The following DDX60 variants were observed in gnomAD, a reference collection of about 807,000 sequenced individuals.
DDX60 encodes the protein probable ATP-dependent RNA helicase DDX60.
DDX60 carries 165 observed loss-of-function variants against 212.8 expected under a neutral mutation model. The observed-to-expected ratio is 0.78, with a 90% confidence interval of 0.68 to 0.88. DDX60 has a LOEUF of 0.88. Ranked by LOEUF, DDX60 falls within the 40% of genes least tolerant of loss-of-function variation. The probability of loss-of-function intolerance (pLI) is 0.00; values close to 1 mark genes in which losing one functional copy is unlikely to be tolerated. For synonymous variants in DDX60, 703 were observed against 685.3 expected (o/e 1.03, Z -0.40); for missense variants, 1,905 against 2,003.9 (o/e 0.95, Z 0.94).
At chr4:168,267,076 T>G (rs2149515414) in intron 22 of DDX60, among the ~76,000 whole-genome samples, 1 of 152,284 alleles carries the variant, frequency 6.6e-6, no homozygotes, top group South Asian at 2.1e-4. Flanking sequence ...TAAGTAATCT[T>G]TCCCCACTCA....
intron 37 of DDX60, among the ~76,000 whole-genome samples, chr4:168,218,050 G>C (rs1732914321): frequency 6.6e-6 from 1 of 152,190 alleles, no homozygotes. Flanking sequence ...CAGCTGGACT[G>C]ATCAAGGGCT....
chr4:168,284,216 C>G (rs1032938079), intron 12 of DDX60, among the ~76,000 whole-genome samples: 1 of 152,218 alleles, frequency 6.6e-6, no homozygotes, highest in Non-Finnish European at 1.5e-5. Flanking sequence ...AGTATCCCCC[C>G]ACACCTTGGT....
At chr4:168,242,936 T>A (rs966476488) in intron 30 of DDX60, among the ~76,000 whole-genome samples, 1 of 152,150 alleles carries the variant, frequency 6.6e-6, no homozygotes, top group Non-Finnish European at 1.5e-5. Context: ...TGGTGTGAGG[T>A]AATTGAAACA....
chr4:168,232,606 G>A (rs1733493151), intron 33 of DDX60, among the ~76,000 whole-genome samples: 1 of 151,934 alleles, frequency 6.6e-6, no homozygotes, highest in Non-Finnish European at 1.5e-5. Flanking sequence ...ACATAAAATG[G>A]GGAAAGGACA....
At chr4:168,256,960 G>C (rs536005613) in intron 25 of DDX60, among the ~76,000 whole-genome samples, 8 of 152,364 alleles carry the variant, frequency 5.3e-5, no homozygotes, top group African/African-American at 1.9e-4. Flanking sequence ...TTTTAAAACT[G>C]AGAGTCTATG....
chr4:168,260,402 C>T (rs1734578201), intron 25 of DDX60, among the ~76,000 whole-genome samples: 1 of 152,078 alleles, frequency 6.6e-6, no homozygotes, highest in African/African-American at 2.4e-5. Flanking sequence ...ACCAATGGGT[C>T]CCAGAAATAG....
At chr4:168,260,575 G>T (rs1308775133) in intron 25 of DDX60, among the ~76,000 whole-genome samples, 1 of 152,108 alleles carries the variant, frequency 6.6e-6, no homozygotes, top group Non-Finnish European at 1.5e-5. Context: ...ATGGTTTCAG[G>T]ATGAAACTGC....
At chr4:168,275,249 C>T (rs1034925765) in intron 16 of DDX60, 96 bp downstream of exon 16, 14 of 1,106,044 alleles carry the variant, frequency 1.3e-5, no homozygotes, top group African/African-American at 8.0e-5. Context: ...ATGACATGAA[C>T]ATCAAATATA....
chr4:168,280,413 A>G lies in DDX60; in HGVS notation c.1900T>C (p.Cys634Arg), dbSNP rs1246529069. The G allele has an allele frequency of 5.6e-6, 9 of 1,614,094 alleles. No homozygotes were observed. Among genetic ancestry groups the G allele is most frequent in the Non-Finnish European group, 2.5e-6 (3 of 1,180,040 alleles). ...ACCATTTCAACCTGAAGTTTCACAC[A>G]GCTACTTTTACAGGATTTCAAAAAA... ...EDFLKSCKSS[C>R]VKLQVEMVGL... Residue 634 changes from cysteine (C) to arginine (R), a missense_variant, in exon 14 of 38, where the codon TGT becomes CGT. Transcript: ENST00000393743.
Position 168,284,800 on chromosome 4 carries a change from A to T in DDX60, c.1561+20T>A. 1 of 1,194,428 alleles carries T rather than the reference A, an allele frequency of 8.4e-7. No individual in the cohort carries two copies. Among genetic ancestry groups the T allele is most frequent in the Non-Finnish European group, 1.2e-6 (1 of 850,864 alleles). 74.0% of individuals were successfully genotyped at this position (1,194,428 alleles called of 1,614,324 possible). A position where few individuals can be genotyped will look rare whatever the true frequency, so the allele number is the denominator to read the frequency against. On this transcript the variant is annotated intron_variant, in intron 12 of 37. Transcript: ENST00000393743. Reference sequence around the variant, plus strand: ...AGTAAAGTAGATTTAAATTTATATCACTGGAGTCACAGAGCTTACCATCAA... The same window carrying T: ...AGTAAAGTAGATTTAAATTTATATCTCTGGAGTCACAGAGCTTACCATCAA...
intron 32 of DDX60, among the ~76,000 whole-genome samples, chr4:168,236,867 T>C (rs1045329592): frequency 1.4e-4 from 21 of 151,702 alleles, no homozygotes; most frequent in African/African-American, 5.1e-4. Context: ...TGGAAGAAAA[T>C]ATTCACAAAC....
At chr4:168,257,027 C>T (rs1356761048) in intron 25 of DDX60, among the ~76,000 whole-genome samples, 1 of 152,182 alleles carries the variant, frequency 6.6e-6, no homozygotes, top group Non-Finnish European at 1.5e-5. Flanking sequence ...TAGTAAAATT[C>T]AAGTTATACA....
At position 168,280,329 on chromosome 4, in the gene DDX60, A is replaced by G; in HGVS notation, c.1978+6T>C. On this transcript the variant is annotated splice_donor_region_variant and intron_variant, in intron 14 of 37. Coordinates refer to ENST00000393743, the MANE Select transcript of DDX60 (RefSeq NM_017631.6). ...CTCACCGAAATAACAAAACAGAATT[A>G]CATACCTTCTTCACTTCGGCAATGT... 6.2e-7 allele frequency: 1 copy of G among 1,604,224 alleles called. No individual in the cohort carries two copies. Among genetic ancestry groups the G allele is most frequent in the Non-Finnish European group, 8.5e-7 (1 of 1,175,590 alleles).
intron 34 of DDX60, 129 bp from the exon 35 acceptor site, chr4:168,224,514 G>GT (rs1471462550): frequency 1.5e-5 from 13 of 846,974 alleles, no homozygotes; most frequent in South Asian, 3.5e-5. Context: ...GAAATGTTTC[G>GT]TAAGTTATAT....
At chr4:168,275,258 T>C in intron 16 of DDX60, 87 bp downstream of exon 16, 1 of 1,189,262 alleles carries the variant, frequency 8.4e-7, no homozygotes, top group Non-Finnish European at 1.1e-6. Flanking sequence ...ACATCAAATA[T>C]AACATGTACA....
intron 25 of DDX60, 42 bp from the exon 26 acceptor site, chr4:168,255,911 A>T (rs1192798494): frequency 6.5e-7 from 1 of 1,542,654 alleles, no homozygotes; most frequent in East Asian, 2.3e-5. Context: ...TAACATCATA[A>T]ATACAATTCA....
chr4:168,275,194 A>G, intron 16 of DDX60, 151 bp downstream of exon 16: 1 of 754,320 alleles, frequency 1.3e-6, no homozygotes, highest in Non-Finnish European at 2.0e-6. Flanking sequence ...TAAATGGGGA[A>G]AAAATAGTCC....
intron 25 of DDX60, among the ~76,000 whole-genome samples, chr4:168,257,696 C>A (rs1202458697): frequency 6.6e-6 from 1 of 152,108 alleles, no homozygotes; most frequent in Non-Finnish European, 1.5e-5. Flanking sequence ...TCTCTGATAA[C>A]CTACATTTTA....
intron 6 of DDX60, among the ~76,000 whole-genome samples, chr4:168,294,160 A>T (rs946384376): frequency 6.6e-6 from 1 of 152,164 alleles, no homozygotes; most frequent in Non-Finnish European, 1.5e-5. Context: ...TTTTTCTGAG[A>T]CGAAAGGAAA....
Sources: allele counts gnomAD v4.1 joint callset (sites outside exome capture counted in the v4.1 genomes callset), GRCh38; gene constraint gnomAD v4.1.1; transcripts MANE v1.5; gene names NCBI Gene and HGNC (gene_info 2026-07-23, HGNC 2026-07-21).